The following HAPSTR1 variants were observed in gnomAD, a reference collection of about 807,000 sequenced individuals.
HAPSTR1 encodes HUWE1 associated protein modifying stress responses, also known as HUWE1-associated protein modifying stress responses 1.
At chr16:9,106,292 G>GGT in the HAPSTR1 span, 2 of 138,638 alleles carry the variant, frequency 1.4e-5, no homozygotes, top group African/African-American at 5.4e-5. Context: ...TATCAAATAG[G>GGT]TTTTTTTTTT....
the HAPSTR1 span, chr16:9,107,987 C>T: frequency 6.6e-6 from 1 of 151,990 alleles, no homozygotes; most frequent in Non-Finnish European, 1.5e-5. Flanking sequence ...GGACCCAGAA[C>T]CTCTAGAAAG....
At chr16:9,121,051 C>T in the HAPSTR1 span, 1 of 152,168 alleles carries the variant, frequency 6.6e-6, no homozygotes, top group Non-Finnish European at 1.5e-5. Flanking sequence ...ACCGCAATCT[C>T]TGCCTCCCGG....
At chr16:9,095,192 G>A in the HAPSTR1 span, among the ~76,000 whole-genome samples, 1 of 152,164 alleles carries the variant, frequency 6.6e-6, no homozygotes, top group Non-Finnish European at 1.5e-5. Context: ...GTTGTGTCTT[G>A]TGGAATTTGA....
At chr16:9,117,089 A>G in the HAPSTR1 span, 1 of 847,852 alleles carries the variant, frequency 1.2e-6, no homozygotes, top group Non-Finnish European at 1.8e-6. Context: ...TGCCTCTTGT[A>G]ATTATGGCTT....
At chr16:9,113,409 A>G in the HAPSTR1 span, among the ~76,000 whole-genome samples, 147 of 152,290 alleles carry the variant, frequency 9.7e-4, no homozygotes, top group South Asian at 1.9e-3. Context: ...GATGTTTAAC[A>G]CATCTTCTTT....
At chr16:9,116,022 A>G in the HAPSTR1 span, among the ~76,000 whole-genome samples, 3 of 152,218 alleles carry the variant, frequency 2.0e-5, no homozygotes, top group Non-Finnish European at 2.9e-5. Context: ...GCTGTCCTGA[A>G]GGATATCTAC....
the HAPSTR1 span, among the ~76,000 whole-genome samples, chr16:9,099,284 G>A: frequency 7.3e-5 from 11 of 151,644 alleles, no homozygotes; most frequent in Non-Finnish European, 1.3e-4. Flanking sequence ...TGCAACCTCT[G>A]CTTCCCAGGC....
chr16:9,111,376 G>T, the HAPSTR1 span: 1 of 152,182 alleles, frequency 6.6e-6, no homozygotes, highest in African/African-American at 2.4e-5. Flanking sequence ...TTATTTCAAA[G>T]AATCTTTAAT....
At chr16:9,111,869 T>C in the HAPSTR1 span, 1 of 151,812 alleles carries the variant, frequency 6.6e-6, no homozygotes, top group Non-Finnish European at 1.5e-5. Context: ...GTATAAATAT[T>C]AAAGTTATTT....
chr16:9,095,111 C>T, the HAPSTR1 span, among the ~76,000 whole-genome samples: 1 of 152,066 alleles, frequency 6.6e-6, no homozygotes, highest in Admixed American at 6.5e-5. Flanking sequence ...GATTGTTAGT[C>T]TGAACTAGTT....
the HAPSTR1 span, chr16:9,119,855 C>T: frequency 6.6e-6 from 1 of 152,142 alleles, no homozygotes; most frequent in Non-Finnish European, 1.5e-5. Flanking sequence ...TGGCTTTGGG[C>T]CTGAAGATTT....
At chr16:9,102,158 A>C in the HAPSTR1 span, among the ~76,000 whole-genome samples, 1 of 152,214 alleles carries the variant, frequency 6.6e-6, no homozygotes, top group Non-Finnish European at 1.5e-5. Context: ...AGTAATAGAG[A>C]AATGTACACA....
the HAPSTR1 span, chr16:9,111,132 A>G: frequency 3.3e-4 from 50 of 152,388 alleles, no homozygotes; most frequent in African/African-American, 1.2e-3. Flanking sequence ...CTGTTGGATT[A>G]TACACATTCA....
the HAPSTR1 span, among the ~76,000 whole-genome samples, chr16:9,101,673 T>C: frequency 2.9e-4 from 44 of 152,242 alleles, no homozygotes; most frequent in Non-Finnish European, 6.0e-4. Context: ...TTCTGGTTGT[T>C]GTGCTTCCCT....
chr16:9,108,101 A>G, the HAPSTR1 span: 22 of 152,278 alleles, frequency 1.4e-4, no homozygotes, highest in Admixed American at 9.8e-4. Flanking sequence ...TGAGACTTCC[A>G]TGGGACCTTA....
the HAPSTR1 span, chr16:9,092,876 T>G: frequency 3.3e-6 from 5 of 1,498,188 alleles, no homozygotes; most frequent in South Asian, 2.4e-5. Context: ...CTATGTGTGT[T>G]TCTTTTTTCT....
chr16:9,108,095 A>G, the HAPSTR1 span: 1 of 152,028 alleles, frequency 6.6e-6, no homozygotes, highest in African/African-American at 2.4e-5. Flanking sequence ...AACAACTGAG[A>G]CTTCCATGGG....
At chr16:9,113,305 A>G in the HAPSTR1 span, 3 of 152,316 alleles carry the variant, frequency 2.0e-5, no homozygotes, top group East Asian at 5.8e-4. Flanking sequence ...ATCATATTGC[A>G]CATTAAAGTT....
chr16:9,091,985 G>A, the HAPSTR1 span: 4 of 1,329,028 alleles, frequency 3.0e-6, no homozygotes, highest in East Asian at 3.1e-5. Flanking sequence ...GCTCCCGCGG[G>A]GGCCCCGCCT....
Sources: gnomAD v4.1 joint callset for allele counts (sites outside exome capture counted in the v4.1 genomes callset) on GRCh38, gnomAD v4.1.1 for gene constraint, MANE v1.5 for transcripts, NCBI Gene and HGNC (gene_info 2026-07-23, HGNC 2026-07-21) for gene names.